Variants in AK8 observed in about 807,000 individuals in gnomAD.
AK8 encodes ATP-AMP transphosphorylase 8.
AK8 carries 44 observed loss-of-function variants against 54.6 expected under a neutral mutation model. The observed-to-expected ratio is 0.81, with a 90% confidence interval of 0.63 to 1.04. AK8 has a LOEUF of 1.04. Among genes scored for constraint, AK8 ranks in the 50% least tolerant of loss-of-function variants. AK8 has a pLI of 0.00. For synonymous variants in AK8, 239 were observed against 245.6 expected (o/e 0.97, Z 0.25); for missense variants, 555 against 613.6 (o/e 0.90, Z 1.01).
At chr9:132,767,016 C>G (rs1590216031) in intron 11 of AK8, among the ~76,000 whole-genome samples, 1 of 152,082 alleles carries the variant, frequency 6.6e-6, no homozygotes, top group African/African-American at 2.4e-5. Flanking sequence ...AAGGCCCAAA[C>G]CTATAAAACT....
At chr9:132,767,390 A>G (rs528751484) in intron 11 of AK8, among the ~76,000 whole-genome samples, 1 of 152,364 alleles carries the variant, frequency 6.6e-6, no homozygotes, top group African/African-American at 2.4e-5. Flanking sequence ...GGAAATGCAA[A>G]TTAAAACCAC....
intron 1 of AK8, among the ~76,000 whole-genome samples, chr9:132,876,764 G>A (rs1243467298): frequency 1.3e-5 from 2 of 152,100 alleles, no homozygotes; most frequent in Non-Finnish European, 2.9e-5. Flanking sequence ...AAACATGGAG[G>A]GAATCCACAG....
chr9:132,846,560 T>C (rs1258811195), intron 5 of AK8, among the ~76,000 whole-genome samples: 1 of 151,996 alleles, frequency 6.6e-6, no homozygotes, highest in Non-Finnish European at 1.5e-5. Context: ...TGAGTACTTT[T>C]AGGAAACACT....
At chr9:132,746,974 G>A (rs1837681886) in intron 11 of AK8, among the ~76,000 whole-genome samples, 1 of 152,182 alleles carries the variant, frequency 6.6e-6, no homozygotes, top group South Asian at 2.1e-4. Flanking sequence ...AAATACAACT[G>A]CCTTAAATAT....
intron 10 of AK8, among the ~76,000 whole-genome samples, chr9:132,809,176 T>G (rs914929909): frequency 6.6e-6 from 1 of 152,140 alleles, no homozygotes; most frequent in Non-Finnish European, 1.5e-5. Flanking sequence ...GACAGAGATA[T>G]CTGAAACAGA....
Position 132,727,426 on chromosome 9 carries a change from T to G in AK8, c.1202+28A>C, listed in dbSNP as rs753517737. On this transcript the variant is annotated intron_variant, in intron 12 of 12. Transcript: ENST00000298545. ...GTCTGGCCCCTGGCAGTCCCCAGACTGCCAACCACCAGGAACACAGCACAA... is the reference window on the plus strand; with the variant it reads ...GTCTGGCCCCTGGCAGTCCCCAGACGGCCAACCACCAGGAACACAGCACAA... 5.0e-6 allele frequency: 8 copies of G among 1,611,738 alleles called. No individual in the cohort carries two copies. The South Asian group carries it at 7.7e-5, about 15-fold the overall frequency.
chr9:132,767,949 T>G (rs1232772782), intron 11 of AK8, among the ~76,000 whole-genome samples: 1 of 152,120 alleles, frequency 6.6e-6, no homozygotes, highest in Admixed American at 6.5e-5. Flanking sequence ...TACCAGAGGC[T>G]GGGAGGGGCC....
intron 3 of AK8, among the ~76,000 whole-genome samples, chr9:132,866,538 A>G (rs1281719845): frequency 1.3e-5 from 2 of 152,182 alleles, no homozygotes. Flanking sequence ...TAAGATTCCA[A>G]GTCAAAGTCT....
intron 4 of AK8, among the ~76,000 whole-genome samples, chr9:132,855,873 G>A (rs118159385): frequency 0.011 from 1,709 of 152,244 alleles, 19 homozygotes; most frequent in Non-Finnish European, 0.019. Flanking sequence ...CTGCCTGTAT[G>A]GTCTGGGTGT....
chr9:132,752,989 G>A (rs1485966324), intron 11 of AK8, among the ~76,000 whole-genome samples: 4 of 152,152 alleles, frequency 2.6e-5, no homozygotes, highest in South Asian at 2.1e-4. Flanking sequence ...TGGCCCCAGC[G>A]TCTGGAACGG....
In AK8 at chr9:132,860,164, C is replaced by T. The variant is rs1306543646; in HGVS notation, c.333+3501G>A. Among the ~76,000 whole-genome samples, 8 of 152,098 alleles carry T rather than the reference C, an allele frequency of 5.3e-5. No individual in the cohort carries two copies. Among genetic ancestry groups the T allele is most frequent in the Non-Finnish European group, 1.2e-4 (8 of 68,022 alleles). On this transcript the variant is annotated intron_variant, in intron 4 of 12. Transcript: ENST00000298545. The surrounding 1 kb of genome is among the most constrained non-coding windows in gnomAD (Gnocchi z 4.4). ...CATCAAACGTCTCTTCCAGCCCGGC[C>T]TGGACCCAGAAGCATCACATGTCCC... is the stretch of plus-strand genomic sequence containing the variant.
intron 11 of AK8, among the ~76,000 whole-genome samples, chr9:132,783,085 G>A (rs1256309162): frequency 6.6e-6 from 1 of 152,180 alleles, no homozygotes; most frequent in African/African-American, 2.4e-5. Context: ...ATTAAGTTAA[G>A]GACTGTGTTG....
intron 11 of AK8, among the ~76,000 whole-genome samples, chr9:132,730,525 C>T (rs1290753072): frequency 6.7e-6 from 1 of 149,636 alleles, no homozygotes; most frequent in Non-Finnish European, 1.5e-5. Context: ...TGGGCGGGAT[C>T]TTAGACATGT....
Position 132,837,319 on chromosome 9 carries a change from GAAAAAAA to G in AK8, c.403-8600_403-8594del, listed in dbSNP as rs749147088. 1.3e-4 allele frequency among the ~76,000 whole-genome samples: 12 copies of G among 89,696 alleles called. No homozygotes were observed. The highest frequency in any genetic ancestry group is 1.8e-4 in the Non-Finnish European group (8 of 43,898). The allele number at this position is 89,696 out of a possible 152,430, so 58.8% of individuals were successfully genotyped here. ...GGGTGACAGAGCAAGACTCCATCTC[GAAAAAAA>G]AAAAAAAAAAAAGAATGAAAGAATG... On this transcript the variant is annotated intron_variant, in intron 5 of 12. Coordinates refer to ENST00000298545, the MANE Select transcript of AK8 (RefSeq NM_152572.3). The surrounding 1 kb of genome is among the most constrained non-coding windows in gnomAD (Gnocchi z 4.3).
chr9:132,870,052 G>T (rs976396406), intron 2 of AK8, among the ~76,000 whole-genome samples: 1 of 152,158 alleles, frequency 6.6e-6, no homozygotes. Flanking sequence ...AAGGAAAGGG[G>T]AGATGCAGCT....
intron 5 of AK8, among the ~76,000 whole-genome samples, chr9:132,840,824 C>T (rs916464931): frequency 2.6e-5 from 4 of 151,962 alleles, no homozygotes; most frequent in Admixed American, 6.6e-5. Flanking sequence ...ACCCAGGAGG[C>T]GGAGGTTGCA....
intron 11 of AK8, among the ~76,000 whole-genome samples, chr9:132,740,633 G>A (rs1289212330): frequency 1.3e-5 from 2 of 152,170 alleles, no homozygotes; most frequent in Admixed American, 6.5e-5. Flanking sequence ...CTTGGCTCTG[G>A]TCGGCTCCCC....
At chr9:132,820,808 G>A (rs576000669) in intron 9 of AK8, among the ~76,000 whole-genome samples, 6 of 152,216 alleles carry the variant, frequency 3.9e-5, no homozygotes, top group African/African-American at 1.2e-4. Flanking sequence ...CCAGGCGAGC[G>A]GATGGCCGCA....
At chr9:132,794,136 C>G (rs78756483) in intron 10 of AK8, among the ~76,000 whole-genome samples, 1 of 152,216 alleles carries the variant, frequency 6.6e-6, no homozygotes, top group East Asian at 1.9e-4. Context: ...TGTGTTCTCT[C>G]TCATGCCCTT....
Sources: allele counts gnomAD v4.1 joint callset (sites outside exome capture counted in the v4.1 genomes callset), GRCh38; gene constraint gnomAD v4.1.1; non-coding constraint Gnocchi (gnomAD v3.1); transcripts MANE v1.5; gene names NCBI Gene and HGNC (gene_info 2026-07-23, HGNC 2026-07-21).